Variants in MRPL37 observed in about 807,000 individuals in gnomAD.
The protein encoded by MRPL37 is large ribosomal subunit protein mL37.
Under a neutral mutation model 44.1 loss-of-function variants are expected in MRPL37, and 34 were observed. That is an observed-to-expected ratio of 0.77 (90% confidence interval 0.59 to 1.03). The LOEUF is 1.03. MRPL37 is among the 50% of genes least tolerant of loss of function. MRPL37 has a pLI of 0.00. For missense variants in MRPL37, 532 were observed against 543.7 expected, an observed-to-expected ratio of 0.98 and a Z score of 0.21; for synonymous variants, 212 against 219.5, an observed-to-expected ratio of 0.97 and a Z score of 0.30.
intron 3 of MRPL37, among the ~76,000 whole-genome samples, chr1:54,206,261 C>T (rs1340533822): frequency 5.4e-5 from 8 of 149,500 alleles, no homozygotes; most frequent in African/African-American, 7.4e-5. Context: ...TACAGGCGCC[C>T]GCCACCACGC....
chr1:54,200,989 G>C (rs1644076733), intron 1 of MRPL37, among the ~76,000 whole-genome samples: 1 of 152,190 alleles, frequency 6.6e-6, no homozygotes, highest in African/African-American at 2.4e-5. Context: ...GTTGGAGAGA[G>C]TTTATAGTGG....
At chr1:54,220,257 G>A (rs1346966859), downstream of MRPL37, among the ~76,000 whole-genome samples, 1 of 152,108 alleles carries the variant, frequency 6.6e-6, no homozygotes, top group Non-Finnish European at 1.5e-5. Context: ...AGCCCTGAGC[G>A]AGTGGGACGG....
chr1:54,224,815 C>G (rs960533319), downstream of MRPL37, among the ~76,000 whole-genome samples: 1 of 152,232 alleles, frequency 6.6e-6, no homozygotes, highest in African/African-American at 2.4e-5. Context: ...ATGCCTCTCT[C>G]CATATCTTGC....
chr1:54,219,122 C>T (rs35591367), downstream of MRPL37, among the ~76,000 whole-genome samples: 1,501 of 152,316 alleles, frequency 9.9e-3, 31 homozygotes, highest in African/African-American at 0.034. Flanking sequence ...CCTCTGAGGC[C>T]TCACCCAGTT....
Position 54,200,265 on chromosome 1 carries a change from G to A in MRPL37, c.22G>A (p.Ala8Thr). Residue 8 changes from alanine (A) to threonine (T), a missense_variant, in exon 1 of 7, where the codon GCA becomes ACA. Ala to Thr is a moderately conservative substitution (Grantham distance 58, BLOSUM62 0). Transcript: ENST00000360840. MALASGP[A>T]RRALAGSGQL... ...CGGTATGGCATTGGCGTCCGGGCCC[G>A]CAAGGCGGGCGCTAGCTGGCTCCGG... 6.3e-7 allele frequency: 1 copy of A among 1,595,524 alleles called. No individual in the cohort carries two copies. The highest frequency in any genetic ancestry group is 8.5e-7 in the Non-Finnish European group (1 of 1,173,148).
chr1:54,202,497 G>GTC (rs772169233), intron 1 of MRPL37, among the ~76,000 whole-genome samples: 226 of 151,150 alleles, frequency 1.5e-3, no homozygotes, highest in African/African-American at 5.0e-3. Flanking sequence ...CTTTCTCTCT[G>GTC]TCTCTCTCTC....
downstream of MRPL37, chr1:54,224,975 C>A: frequency 7.3e-6 from 5 of 680,362 alleles, no homozygotes; most frequent in Non-Finnish European, 1.0e-5. Flanking sequence ...TGCCAACAGT[C>A]GCCAACAGCA....
chr1:54,222,767 G>A (rs1644244660), downstream of MRPL37, among the ~76,000 whole-genome samples: 1 of 152,170 alleles, frequency 6.6e-6, no homozygotes, highest in African/African-American at 2.4e-5. Context: ...GTTCAGACCT[G>A]CCTACTTGAT....
chr1:54,218,235 C>T lies in MRPL37; in HGVS notation c.1258C>T (p.His420Tyr), dbSNP rs958097492. Residue 420 changes from histidine (H) to tyrosine (Y), a missense_variant, in exon 7 of 7, where the codon CAT becomes TAT. His to Tyr is a moderately conservative substitution (Grantham distance 83). Transcript: ENST00000360840. ...TFRKFLALYL[H>Y]GAA is the part of the protein sequence containing the mutation. ...CAGAAAGTTTTTAGCTCTATATTTG[C>T]ATGGTGCTGCGTGAGCGGAGGACCC... 8 of 1,614,100 alleles carry T rather than the reference C, an allele frequency of 5.0e-6. No individual in the cohort carries two copies. The African/African-American group carries it at 9.3e-5, about 19-fold the overall frequency.
intron 1 of MRPL37, among the ~76,000 whole-genome samples, chr1:54,204,358 G>A (rs1053125754): frequency 6.6e-6 from 1 of 151,466 alleles, no homozygotes; most frequent in South Asian, 2.1e-4. Context: ...TCATCATGTC[G>A]CCCAGTCAGC....
chr1:54,200,425 C>T lies in MRPL37; in HGVS notation c.182C>T (p.Ala61Val), dbSNP rs200948036. 25 of 1,614,254 alleles carry T rather than the reference C, an allele frequency of 1.5e-5. No homozygotes were observed. The East Asian group carries it at 5.3e-4, about 35-fold the overall frequency. Residue 61 changes from alanine (A) to valine (V), a missense_variant, in exon 1 of 7, where the codon GCG becomes GTG. Ala to Val is a moderately conservative substitution (Grantham distance 64). Transcript: ENST00000360840. The part of the protein sequence containing the change: ...EIPGLEPITF[A>V]GKMHFVPWLA... ...CCTGGACTGGAGCCCATCACCTTTG[C>T]GGGGAAGATGCACTTCGTGCCCTGG...
chr1:54,222,553 C>G (rs1004184010), downstream of MRPL37, among the ~76,000 whole-genome samples: 4 of 152,084 alleles, frequency 2.6e-5, no homozygotes, highest in African/African-American at 9.7e-5. Context: ...CTCTCTGCAC[C>G]CCTTTTCTTC....
At chr1:54,211,599 C>T (rs1644165581) in intron 4 of MRPL37, among the ~76,000 whole-genome samples, 1 of 152,046 alleles carries the variant, frequency 6.6e-6, no homozygotes. Context: ...CTCAAGCAAT[C>T]CTCCTACCTC....
chr1:54,201,199 G>A (rs958765156), intron 1 of MRPL37, among the ~76,000 whole-genome samples: 2 of 152,184 alleles, frequency 1.3e-5, no homozygotes, highest in African/African-American at 4.8e-5. Context: ...CTCAAATCAG[G>A]ATAGGGATGG....
Position 54,218,297 on chromosome 1 carries a change from G to A in MRPL37, c.*48G>A, listed in dbSNP as rs746084904. 5.0e-6 allele frequency: 8 copies of A among 1,613,518 alleles called. No homozygotes were observed. The highest frequency in any genetic ancestry group is 3.3e-5 in the Admixed American group (2 of 59,986). On this transcript the variant is annotated 3_prime_UTR_variant, in exon 7 of 7. Coordinates refer to ENST00000360840, the MANE Select transcript of MRPL37 (RefSeq NM_016491.4). ...GAAACCCCTCTTGCCTCTCTTCCAC[G>A]GAAGAGGGCCTGGGCCCCGTGGAGC... is the stretch of plus-strand genomic sequence containing the variant.
chr1:54,224,340 A>ACACACCCATTTGGACTCTCCC (rs2100525120), downstream of MRPL37, among the ~76,000 whole-genome samples: 1 of 152,124 alleles, frequency 6.6e-6, no homozygotes, highest in African/African-American at 2.4e-5. Context: ...CTACTCCCCA[A>ACACACCCATTTGGACTCTCCC]CACACCCATT....
Position 54,216,288 on chromosome 1 carries a change from C to G in MRPL37, c.1138C>G (p.Gln380Glu), listed in dbSNP as rs750023821. 1.2e-5 allele frequency: 20 copies of G among 1,614,174 alleles called. No homozygotes were observed. Among genetic ancestry groups the G allele is most frequent in the Non-Finnish European group, 1.6e-5 (19 of 1,180,032 alleles). ...GAATTTGGCCTGGGTGGACTCAGAC[C>G]AGCTCCTCTATCAGCATTTTTGGTG... ...VKNLAWVDSD[Q>E]LLYQHFWCLP... The change falls in exon 6 of 7, where the codon CAG becomes GAG. Residue 380 changes from glutamine (Q) to glutamate (E), a missense_variant. Physicochemically the swap from Gln to Glu is conservative, Grantham distance 29. Transcript: ENST00000360840.
intron 1 of MRPL37, among the ~76,000 whole-genome samples, chr1:54,204,637 T>A (rs1271635929): frequency 6.6e-6 from 1 of 152,140 alleles, no homozygotes; most frequent in Non-Finnish European, 1.5e-5. Flanking sequence ...GGGGTGTGGG[T>A]TATTAGAAAG....
At chr1:54,201,119 C>T (rs1306653129) in intron 1 of MRPL37, among the ~76,000 whole-genome samples, 1 of 152,192 alleles carries the variant, frequency 6.6e-6, no homozygotes, top group Non-Finnish European at 1.5e-5. Flanking sequence ...CTATCTAGAA[C>T]AGTACCAGAA....
Sources: allele counts gnomAD v4.1 joint callset (sites outside exome capture counted in the v4.1 genomes callset), GRCh38; gene constraint gnomAD v4.1.1; transcripts MANE v1.5; gene names NCBI Gene and HGNC (gene_info 2026-07-23, HGNC 2026-07-21).